WWP1: variants seen among roughly 807,000 people sequenced by gnomAD.
WWP1 encodes NEDD4-like E3 ubiquitin-protein ligase WWP1.
A neutral mutation model predicts 130.6 loss-of-function variants in WWP1; 49 were observed. The observed-to-expected ratio is 0.38, with a 90% CI of 0.30 to 0.48. The LOEUF (loss-of-function observed/expected upper bound fraction) is 0.48. Ranked by LOEUF, WWP1 falls within the 20% of genes least tolerant of loss-of-function variation. The pLI is 0.99. For missense variants in WWP1, 809 were observed against 1,100.6 expected (o/e 0.74, Z 3.75); for synonymous variants, 332 against 367.8 (o/e 0.90, Z 1.11).
intron 16 of WWP1, among the ~76,000 whole-genome samples, chr8:86,436,609 G>A (rs1810300584): frequency 1.3e-5 from 2 of 152,224 alleles, no homozygotes; most frequent in Non-Finnish European, 2.9e-5. Context: ...TTTGCACATA[G>A]AGGGTATTCA....
intron 8 of WWP1, among the ~76,000 whole-genome samples, chr8:86,407,718 GT>G (rs985585335): frequency 6.6e-6 from 1 of 152,022 alleles, no homozygotes; most frequent in Non-Finnish European, 1.5e-5. Flanking sequence ...GTTTCTAAGA[GT>G]TTTTTTTAAA....
intron 9 of WWP1, among the ~76,000 whole-genome samples, chr8:86,424,152 C>T (rs1302777312): frequency 6.6e-6 from 1 of 150,722 alleles, no homozygotes; most frequent in African/African-American, 2.4e-5. Context: ...AGAGACACTC[C>T]TCACCTCCCA....
At chr8:86,419,704 T>C (rs1172753923) in intron 9 of WWP1, among the ~76,000 whole-genome samples, 1 of 152,148 alleles carries the variant, frequency 6.6e-6, no homozygotes, top group Admixed American at 6.5e-5. Context: ...TATTGAAGAA[T>C]AAACACAAAT....
At chr8:86,424,304 G>A (rs1179174049) in intron 9 of WWP1, among the ~76,000 whole-genome samples, 42 of 149,374 alleles carry the variant, frequency 2.8e-4, no homozygotes, top group South Asian at 4.2e-4. Context: ...GGGAAGAGGC[G>A]CTCCTCACTT....
chr8:86,425,084 C>T, intron 9 of WWP1, 139 bp from the exon 10 acceptor site: 2 of 539,638 alleles, frequency 3.7e-6, no homozygotes, highest in East Asian at 3.0e-5. Flanking sequence ...ATATAATAGC[C>T]TTTATATATA....
chr8:86,394,636 G>T (rs1054098000), intron 5 of WWP1, among the ~76,000 whole-genome samples: 2 of 152,174 alleles, frequency 1.3e-5, no homozygotes, highest in Non-Finnish European at 2.9e-5. Context: ...CTGGCACACC[G>T]TAGGCACTCA....
intron 1 of WWP1, among the ~76,000 whole-genome samples, chr8:86,361,656 T>C (rs1486755601): frequency 6.6e-6 from 1 of 152,094 alleles, no homozygotes; most frequent in Non-Finnish European, 1.5e-5. Flanking sequence ...TGAAAGCATG[T>C]CTTTCCTTTC....
At chr8:86,457,492 T>C (rs1363895935) in intron 21 of WWP1, among the ~76,000 whole-genome samples, 1 of 151,890 alleles carries the variant, frequency 6.6e-6, no homozygotes, top group African/African-American at 2.4e-5. Flanking sequence ...TGTATGTGTG[T>C]ATTTACACAC....
At chr8:86,377,932 C>A (rs1002709011) in intron 3 of WWP1, among the ~76,000 whole-genome samples, 3 of 151,648 alleles carry the variant, frequency 2.0e-5, no homozygotes, top group African/African-American at 7.3e-5. Flanking sequence ...GAATTATAGA[C>A]TTCATTCTTT....
chr8:86,466,172 AAT>A (rs1214595638), intron 24 of WWP1, among the ~76,000 whole-genome samples: 37 of 152,334 alleles, frequency 2.4e-4, no homozygotes, highest in Middle Eastern at 3.4e-3. Flanking sequence ...ACTGAAAAAT[AAT>A]AGTTATTTTA....
At chr8:86,420,928 G>A (rs1299273658) in intron 9 of WWP1, among the ~76,000 whole-genome samples, 1 of 152,122 alleles carries the variant, frequency 6.6e-6, no homozygotes, top group Non-Finnish European at 1.5e-5. Flanking sequence ...AAAATTCAAG[G>A]ACTGCTTATG....
At chr8:86,423,948 C>G (rs1463078329) in intron 9 of WWP1, among the ~76,000 whole-genome samples, 12 of 1,882 alleles carry the variant, frequency 6.4e-3, no homozygotes, top group Non-Finnish European at 0.015. Context: ...GCGGGGGCTG[C>G]CCCCATAAGC....
chr8:86,468,411 G>C lies in WWP1; in HGVS notation c.*1518G>C, dbSNP rs1369113332. 1 of 448,854 alleles carries C rather than the reference G, an allele frequency of 2.2e-6. No individual in the cohort carries two copies. Among genetic ancestry groups the C allele is most frequent in the African/African-American group, 2.0e-5 (1 of 49,474 alleles). The allele number at this position is 448,854 out of a possible 1,614,324, so 27.8% of individuals were successfully genotyped here. A position where few individuals can be genotyped will look rare whatever the true frequency, so the allele number is the denominator to read the frequency against. ...CCAAATCCTTATTATGAACACTCTGGTAATTTTCAAGCCTAAAGAATTAAA... is the reference window on the plus strand; with the variant it reads ...CCAAATCCTTATTATGAACACTCTGCTAATTTTCAAGCCTAAAGAATTAAA... On this transcript the variant is annotated 3_prime_UTR_variant, in exon 25 of 25. Transcript: ENST00000517970.
chr8:86,363,072 A>G lies in WWP1; in HGVS notation c.-114-5867A>G, dbSNP rs191612449. On this transcript the variant is annotated intron_variant, in intron 1 of 24. Coordinates refer to ENST00000517970, the MANE Select transcript of WWP1 (RefSeq NM_007013.4). Reference sequence around the variant, plus strand: ...GAAGGTATCAAAAAACAAAATTATCACAAATTTAGTTACAGATCAAATTGG... The same window carrying G: ...GAAGGTATCAAAAAACAAAATTATCGCAAATTTAGTTACAGATCAAATTGG... 4.6e-5 allele frequency among the ~76,000 whole-genome samples: 7 copies of G among 152,326 alleles called. No homozygotes were observed. The East Asian group carries it at 1.4e-3, about 29-fold the overall frequency.
At chr8:86,427,523 TTA>T (rs1393559057) in intron 10 of WWP1, 118 bp from the exon 11 acceptor site, 9 of 1,028,816 alleles carry the variant, frequency 8.7e-6, no homozygotes, top group Admixed American at 5.9e-5. Context: ...GTTCATAGTT[TTA>T]TATGTTTTAG....
chr8:86,343,754 G>C (rs941283557), intron 1 of WWP1, among the ~76,000 whole-genome samples: 2 of 152,010 alleles, frequency 1.3e-5, no homozygotes, highest in African/African-American at 2.4e-5. Context: ...ATATTTTCCA[G>C]GGGCTTGATT....
At chr8:86,379,489 G>T (rs1306637375) in intron 3 of WWP1, among the ~76,000 whole-genome samples, 1 of 152,030 alleles carries the variant, frequency 6.6e-6, no homozygotes, top group African/African-American at 2.4e-5. Context: ...CATGAAAGAG[G>T]CTTTTCCCTT....
At chr8:86,393,300 G>A (rs1221914319) in intron 5 of WWP1, among the ~76,000 whole-genome samples, 2 of 151,834 alleles carry the variant, frequency 1.3e-5, no homozygotes, top group African/African-American at 2.4e-5. Context: ...TCCATCTCCC[G>A]GGTTGAAGCG....
At chr8:86,356,041 C>T (rs983734459) in intron 1 of WWP1, among the ~76,000 whole-genome samples, 1 of 152,154 alleles carries the variant, frequency 6.6e-6, no homozygotes, top group African/African-American at 2.4e-5. Flanking sequence ...AATGATGACT[C>T]TAATGGATAA....
Sources: allele counts gnomAD v4.1 joint callset (sites outside exome capture counted in the v4.1 genomes callset), GRCh38; gene constraint gnomAD v4.1.1; transcripts MANE v1.5; gene names NCBI Gene and HGNC (gene_info 2026-07-23, HGNC 2026-07-21).